Variants in DMD observed in about 807,000 individuals in gnomAD.
DMD encodes mutant dystrophin.
DMD carries 63 observed loss-of-function variants against 330.1 expected under a neutral mutation model. The observed-to-expected ratio is 0.19, with a 90% CI of 0.16 to 0.24. The LOEUF is 0.24. Ranked by LOEUF, DMD falls within the 10% of genes least tolerant of loss-of-function variation. The pLI, the probability that DMD is intolerant of heterozygous loss-of-function variation, is 1.00. For synonymous variants in DMD, 1,223 were observed against 959.8 expected (o/e 1.27, Z -5.07); for missense variants, 3,344 against 2,684.1 (o/e 1.25, Z -5.43).
intron 43 of DMD, among the ~76,000 whole-genome samples, chrX:32,229,214 TACACTC>T (rs972093529): frequency 2.7e-5 from 3 of 111,178 alleles, no homozygotes; most frequent in African/African-American, 9.8e-5. Context: ...ATTGGATAGT[TACACTC>T]ACGTGTTTCT....
At chrX:32,060,698 T>A (rs1005957729) in intron 44 of DMD, among the ~76,000 whole-genome samples, 1 of 111,949 alleles carries the variant, frequency 8.9e-6, no homozygotes, top group Non-Finnish European at 1.9e-5. Flanking sequence ...ATAGACAGTT[T>A]TAATCAAAGC....
chrX:33,026,339 A>AAAAAAAAAG, intron 1 of DMD, among the ~76,000 whole-genome samples: 1 of 100,301 alleles, frequency 1.0e-5, no homozygotes, highest in Non-Finnish European at 2.0e-5. Context: ...AAAAAAAAAA[A>AAAAAAAAAG]AAAAAAAAGA....
intron 55 of DMD, among the ~76,000 whole-genome samples, chrX:31,579,047 G>A (rs950782770): frequency 9.0e-6 from 1 of 111,495 alleles, no homozygotes; most frequent in Non-Finnish European, 1.9e-5. Flanking sequence ...TAGAGTCTTC[G>A]GCCAGCTTAC....
At chrX:31,154,306 T>TA (rs1321302159) in intron 74 of DMD, among the ~76,000 whole-genome samples, 4 of 110,696 alleles carry the variant, frequency 3.6e-5, no homozygotes, top group African/African-American at 1.3e-4. Flanking sequence ...TTTTATTTTT[T>TA]ATTTTTTGAG....
intron 9 of DMD, among the ~76,000 whole-genome samples, chrX:32,686,278 C>T (rs2062854177): frequency 9.0e-6 from 1 of 111,331 alleles, no homozygotes; most frequent in Non-Finnish European, 1.9e-5. Flanking sequence ...ATCTGTATGG[C>T]CGGGCACAAT....
In DMD at chrX:31,520,171, T is replaced by C. The variant is rs188507089; in HGVS notation, c.8218-12718A>G. On this transcript the variant is annotated intron_variant, in intron 55 of 78. Transcript: ENST00000357033. Reference sequence around the variant, plus strand: ...TACATTTCCTCATTCTTAGAACCCATTCATGAGCTTTCCATTGTGATATGG... The same window carrying C: ...TACATTTCCTCATTCTTAGAACCCACTCATGAGCTTTCCATTGTGATATGG... Among the ~76,000 whole-genome samples, 7 of 112,007 alleles carry C rather than the reference T, an allele frequency of 6.2e-5. 1 individual carries two copies. The highest frequency in any genetic ancestry group is 2.3e-4 in the African/African-American group (7 of 30,857).
chrX:32,442,276 C>A (rs747559215), intron 27 of DMD, among the ~76,000 whole-genome samples: 2 of 110,768 alleles, frequency 1.8e-5, no homozygotes, highest in Non-Finnish European at 3.8e-5. Flanking sequence ...ACAACTGCAA[C>A]ATCTGTAACA....
At chrX:32,858,237 T>TA (rs1391815360) in intron 2 of DMD, among the ~76,000 whole-genome samples, 1 of 112,549 alleles carries the variant, frequency 8.9e-6, no homozygotes, top group Non-Finnish European at 1.9e-5. Context: ...CTGCAGGTTT[T>TA]AAATTTCTTT....
intron 9 of DMD, among the ~76,000 whole-genome samples, chrX:32,694,741 C>T (rs1418720218): frequency 8.9e-6 from 1 of 111,883 alleles, no homozygotes; most frequent in East Asian, 2.8e-4. Context: ...ACTGCAACCT[C>T]CACCTCCCGG....
intron 1 of DMD, among the ~76,000 whole-genome samples, chrX:33,173,350 A>G (rs1314561456): frequency 3.6e-5 from 4 of 111,724 alleles, no homozygotes; most frequent in Non-Finnish European, 7.5e-5. Flanking sequence ...AGTTGGCTAA[A>G]TGGCTATGAT....
At chrX:32,788,429 G>A (rs2075570977) in intron 7 of DMD, among the ~76,000 whole-genome samples, 1 of 112,143 alleles carries the variant, frequency 8.9e-6, no homozygotes, top group African/African-American at 3.2e-5. Context: ...GAGGCATGTG[G>A]AAATCTGTAT....
chrX:32,215,427 C>G (rs1779418949), intron 44 of DMD, among the ~76,000 whole-genome samples: 1 of 110,883 alleles, frequency 9.0e-6, no homozygotes, highest in Non-Finnish European at 1.9e-5. Flanking sequence ...AAAAGTACTC[C>G]CTAGTTAACC....
intron 2 of DMD, among the ~76,000 whole-genome samples, chrX:32,995,839 A>C (rs1238009509): frequency 8.9e-6 from 1 of 111,869 alleles, no homozygotes; most frequent in African/African-American, 3.2e-5. Context: ...AATCAACACA[A>C]TTTTGAGTGT....
chrX:33,220,465 C>T (rs758739528), intron 1 of DMD, among the ~76,000 whole-genome samples: 88 of 111,911 alleles, frequency 7.9e-4, no homozygotes, highest in Non-Finnish European at 1.4e-3. Context: ...ATGTTATGTG[C>T]TTTCCTACTA....
At chrX:33,032,256 C>T (rs2094128551) in intron 1 of DMD, among the ~76,000 whole-genome samples, 1 of 112,036 alleles carries the variant, frequency 8.9e-6, no homozygotes, top group South Asian at 3.7e-4. Flanking sequence ...GGGAAGTACA[C>T]GCCTCAGGTA....
intron 41 of DMD, among the ~76,000 whole-genome samples, chrX:32,323,538 AT>A (rs201204463): frequency 0.16 from 17,932 of 110,865 alleles, 1,408 homozygotes; most frequent in African/African-American, 0.29. Flanking sequence ...TTTTTAAAGG[AT>A]TTTGCCTTTG....
At chrX:32,716,623 C>A (rs865937864) in intron 7 of DMD, among the ~76,000 whole-genome samples, 1 of 110,814 alleles carries the variant, frequency 9.0e-6, no homozygotes. Flanking sequence ...AACTTTGGAA[C>A]AGAGTAAGAA....
At position 31,777,498 on chromosome X, in the gene DMD, A is replaced by C. The variant is rs762155339; in HGVS notation, c.7310-3306T>G. Reference sequence around the variant, plus strand: ...AATTTTTTTTTTTTTTAGCTGTGTAACTATAGTCAGATGACTTAACCTCTC... The same window carrying C: ...AATTTTTTTTTTTTTTAGCTGTGTACCTATAGTCAGATGACTTAACCTCTC... On this transcript the variant is annotated intron_variant, in intron 50 of 78. Coordinates refer to ENST00000357033, the MANE Select transcript of DMD (RefSeq NM_004006.3). 5.5e-5 allele frequency among the ~76,000 whole-genome samples: 6 copies of C among 109,810 alleles called. No individual in the cohort carries two copies. The South Asian group carries it at 2.4e-3, about 43-fold the overall frequency.
chrX:32,930,810 T>C (rs967095565), intron 2 of DMD, among the ~76,000 whole-genome samples: 3 of 110,043 alleles, frequency 2.7e-5, no homozygotes, highest in Non-Finnish European at 3.8e-5. Flanking sequence ...ATTCATTTCT[T>C]TTGCATTATA....
Sources: allele counts gnomAD v4.1 joint callset (sites outside exome capture counted in the v4.1 genomes callset), GRCh38; gene constraint gnomAD v4.1.1; transcripts MANE v1.5; gene names NCBI Gene and HGNC (gene_info 2026-07-23, HGNC 2026-07-21).